IL1RAPL2: variants seen among roughly 807,000 people sequenced by gnomAD.
The protein encoded by IL1RAPL2 is X-linked interleukin-1 receptor accessory protein-like 2.
IL1RAPL2 carries 3 observed loss-of-function variants against 44.1 expected under a neutral mutation model. That is an observed-to-expected ratio of 0.07 (90% CI 0.03 to 0.18). IL1RAPL2 has a LOEUF of 0.18. IL1RAPL2 is among the 10% of genes least tolerant of loss of function. The pLI, the probability that IL1RAPL2 is intolerant of heterozygous loss-of-function variation, is 1.00. For synonymous variants in IL1RAPL2, 181 were observed against 178.8 expected (o/e 1.01, Z -0.10); for missense variants, 391 against 496.4 (o/e 0.79, Z 2.02).
chrX:105,732,492 A>C (rs746637015), intron 7 of IL1RAPL2, among the ~76,000 whole-genome samples: 1 of 110,102 alleles, frequency 9.1e-6, no homozygotes, highest in Non-Finnish European at 1.9e-5. Flanking sequence ...TACTCCTGCT[A>C]TGTGAGGATG....
chrX:105,657,618 ATTC>A (rs756432185), intron 6 of IL1RAPL2, among the ~76,000 whole-genome samples: 14 of 111,917 alleles, frequency 1.3e-4, no homozygotes, highest in Non-Finnish European at 2.4e-4. Context: ...AGTCATTATC[ATTC>A]TTCTTTTGTT....
intron 3 of IL1RAPL2, among the ~76,000 whole-genome samples, chrX:105,205,569 G>A (rs1166246711): frequency 8.5e-5 from 6 of 70,653 alleles, no homozygotes; most frequent in Admixed American, 2.4e-4. Flanking sequence ...CAGCCTCGGC[G>A]ACAGAGCAAG....
At chrX:105,069,897 T>C (rs1282595335) in intron 2 of IL1RAPL2, among the ~76,000 whole-genome samples, 1 of 112,347 alleles carries the variant, frequency 8.9e-6, no homozygotes, top group Non-Finnish European at 1.9e-5. Flanking sequence ...CAAGTCAAGA[T>C]GGCTAGCCCC....
intron 2 of IL1RAPL2, among the ~76,000 whole-genome samples, chrX:105,172,038 A>G (rs2033428262): frequency 8.9e-6 from 1 of 112,468 alleles, no homozygotes; most frequent in Non-Finnish European, 1.9e-5. Flanking sequence ...TCTTGGGTGT[A>G]TATTTGGAGG....
chrX:104,867,210 C>T (rs762321913), intron 2 of IL1RAPL2, among the ~76,000 whole-genome samples: 4 of 91,834 alleles, frequency 4.4e-5, no homozygotes, highest in South Asian at 5.8e-4. Flanking sequence ...GCAGTCTGGC[C>T]TGGGCAAAAG....
intron 3 of IL1RAPL2, chrX:105,219,982 A>G: frequency 3.3e-6 from 4 of 1,202,128 alleles, no homozygotes; most frequent in Middle Eastern, 4.6e-4. Context: ...CTCTTTCTGC[A>G]CCTCCACGAG....
chrX:105,657,988 G>C (rs1360518429), intron 6 of IL1RAPL2, among the ~76,000 whole-genome samples: 1 of 109,838 alleles, frequency 9.1e-6, no homozygotes, highest in East Asian at 2.8e-4. Context: ...AAAAAAAAAA[G>C]GACTTTCTAA....
chrX:105,464,163 A>G (rs1161129980), intron 5 of IL1RAPL2, among the ~76,000 whole-genome samples: 1 of 112,339 alleles, frequency 8.9e-6, no homozygotes, highest in East Asian at 2.8e-4. Flanking sequence ...TATAAATTGG[A>G]CCAACAGAAT....
At chrX:104,682,936 A>G (rs146701230) in intron 2 of IL1RAPL2, among the ~76,000 whole-genome samples, 1,477 of 111,645 alleles carry the variant, frequency 0.013, 8 homozygotes, top group Non-Finnish European at 0.021. Flanking sequence ...AATTTGAACC[A>G]AATTCGAATG....
chrX:105,496,181 C>T (rs1009010183), intron 6 of IL1RAPL2, among the ~76,000 whole-genome samples: 2 of 112,011 alleles, frequency 1.8e-5, no homozygotes, highest in Admixed American at 9.5e-5. Context: ...TCCCCTGCTT[C>T]GAGTTATCCT....
chrX:105,233,140 C>T (rs994306751), intron 3 of IL1RAPL2, among the ~76,000 whole-genome samples: 12 of 111,220 alleles, frequency 1.1e-4, no homozygotes, highest in African/African-American at 2.0e-4. Context: ...AAAAATTAGC[C>T]GGGCGTGGTG....
rs146662110 is a variant in IL1RAPL2 at position 105,109,822 on chromosome X, C to A, written c.83-85653C>A. Among the ~76,000 whole-genome samples the A allele has an allele frequency of 8.0e-5, 9 of 112,143 alleles. No individual in the cohort carries two copies. In the Admixed American group the frequency reaches 8.5e-4, roughly 11 times the overall value. ...ATAATATAAACTATAGATCTGACAA[C>A]GTAGAAAAATGCTGAGTGACTTTTA... On this transcript the variant is annotated intron_variant, in intron 2 of 10. Coordinates refer to ENST00000372582, the MANE Select transcript of IL1RAPL2 (RefSeq NM_017416.2).
chrX:105,198,933 G>C (rs565499301), intron 3 of IL1RAPL2, among the ~76,000 whole-genome samples: 10 of 111,681 alleles, frequency 9.0e-5, no homozygotes, highest in African/African-American at 3.2e-4. Flanking sequence ...CATAACTGTT[G>C]ATGTTGACTT....
intron 2 of IL1RAPL2, among the ~76,000 whole-genome samples, chrX:105,066,401 C>G (rs2032137957): frequency 9.0e-6 from 1 of 111,675 alleles, no homozygotes; most frequent in Admixed American, 9.6e-5. Context: ...GTGATAGTGA[C>G]TAAACTCAAA....
intron 5 of IL1RAPL2, among the ~76,000 whole-genome samples, chrX:105,454,493 G>A (rs1172799558): frequency 9.1e-6 from 1 of 110,025 alleles, no homozygotes; most frequent in Non-Finnish European, 1.9e-5. Flanking sequence ...ACCAACACTT[G>A]AGCCTACACA....
chrX:105,428,329 A>G (rs1307157440), intron 5 of IL1RAPL2, among the ~76,000 whole-genome samples: 1 of 111,786 alleles, frequency 8.9e-6, no homozygotes, highest in African/African-American at 3.2e-5. Context: ...AAATTTTACT[A>G]ACTCCTGGAC....
chrX:105,015,788 G>T (rs748742373), intron 2 of IL1RAPL2, among the ~76,000 whole-genome samples: 37 of 111,510 alleles, frequency 3.3e-4, no homozygotes, highest in African/African-American at 1.0e-3. Context: ...GATTGTCTTG[G>T]CTATGCGGGC....
At chrX:105,458,348 G>A (rs1033362908) in intron 5 of IL1RAPL2, among the ~76,000 whole-genome samples, 3 of 111,236 alleles carry the variant, frequency 2.7e-5, no homozygotes, top group Non-Finnish European at 5.7e-5. Flanking sequence ...TATTCTTTCA[G>A]TGCTATATCA....
At chrX:105,629,558 T>A (rs978808103) in intron 6 of IL1RAPL2, among the ~76,000 whole-genome samples, 1 of 111,541 alleles carries the variant, frequency 9.0e-6, no homozygotes, top group Non-Finnish European at 1.9e-5. Context: ...ACAGTTTGCT[T>A]TTGAGTTGAT....
Sources: allele counts gnomAD v4.1 joint callset (sites outside exome capture counted in the v4.1 genomes callset), GRCh38; gene constraint gnomAD v4.1.1; transcripts MANE v1.5; gene names NCBI Gene and HGNC (gene_info 2026-07-23, HGNC 2026-07-21).